Variants in SIPA1L1 observed in about 807,000 individuals in gnomAD.
SIPA1L1 encodes the protein signal-induced proliferation-associated 1-like protein 1.
A neutral mutation model predicts 162.7 loss-of-function variants in SIPA1L1; 26 were observed. The ratio of observed to expected loss-of-function variants is 0.16; its 90% CI spans 0.12 to 0.22. The LOEUF (loss-of-function observed/expected upper bound fraction) is 0.22. Ranked by LOEUF, SIPA1L1 falls within the 10% of genes least tolerant of loss-of-function variation. SIPA1L1 has a pLI of 1.00. For missense variants in SIPA1L1, 1,874 were observed against 2,241.0 expected, an observed-to-expected ratio of 0.84 and a Z score of 3.31; for synonymous variants, 829 against 837.4, an observed-to-expected ratio of 0.99 and a Z score of 0.17.
intron 2 of SIPA1L1, among the ~76,000 whole-genome samples, chr14:71,465,482 A>G (rs557790184): frequency 1.3e-5 from 2 of 152,320 alleles, no homozygotes; most frequent in African/African-American, 4.8e-5. Flanking sequence ...TTATGTAGTC[A>G]CCAAACTCCT....
At chr14:71,325,820 T>C (rs182900530) in intron 2 of SIPA1L1, among the ~76,000 whole-genome samples, 223 of 152,314 alleles carry the variant, frequency 1.5e-3, no homozygotes, top group Non-Finnish European at 2.6e-3. Flanking sequence ...TTGCACTAAG[T>C]TCTCCCTCTA....
chr14:71,474,065 C>G (rs1384521793), intron 2 of SIPA1L1, among the ~76,000 whole-genome samples: 1 of 152,186 alleles, frequency 6.6e-6, no homozygotes. Context: ...GCTACATTTA[C>G]TCATCAGACT....
chr14:71,481,413 A>AG (rs2048342553), intron 2 of SIPA1L1, among the ~76,000 whole-genome samples: 1 of 152,130 alleles, frequency 6.6e-6, no homozygotes, highest in African/African-American at 2.4e-5. Flanking sequence ...TGGGAGGCAG[A>AG]GGTTGCAGTG....
chr14:71,326,500 C>T (rs879877182), intron 2 of SIPA1L1, among the ~76,000 whole-genome samples: 3 of 152,036 alleles, frequency 2.0e-5, no homozygotes, highest in Non-Finnish European at 4.4e-5. Context: ...GGAGCCACCA[C>T]ACCTGGCCGA....
At chr14:71,476,602 T>C (rs567580961) in intron 2 of SIPA1L1, among the ~76,000 whole-genome samples, 22 of 152,242 alleles carry the variant, frequency 1.4e-4, no homozygotes, top group Admixed American at 1.2e-3. Context: ...TTATGTTTTT[T>C]TAAAACTTTT....
At chr14:71,506,121 C>T (rs1255130851) in intron 2 of SIPA1L1, among the ~76,000 whole-genome samples, 1 of 152,038 alleles carries the variant, frequency 6.6e-6, no homozygotes, top group African/African-American at 2.4e-5. Context: ...ATTATTGTCA[C>T]ATGAAAGAAC....
chr14:71,454,822 C>T (rs2046074006), intron 2 of SIPA1L1, among the ~76,000 whole-genome samples: 1 of 152,150 alleles, frequency 6.6e-6, no homozygotes, highest in Non-Finnish European at 1.5e-5. Context: ...TGAGATGGGC[C>T]CTATAAGCTC....
chr14:71,390,102 C>A (rs2040626294), intron 2 of SIPA1L1, among the ~76,000 whole-genome samples: 1 of 152,060 alleles, frequency 6.6e-6, no homozygotes, highest in Non-Finnish European at 1.5e-5. Context: ...ATGCTTATAC[C>A]ATTCAAATAA....
At chr14:71,737,080 A>T (rs1285167070) in intron 22 of SIPA1L1, among the ~76,000 whole-genome samples, 1 of 151,910 alleles carries the variant, frequency 6.6e-6, no homozygotes, top group Non-Finnish European at 1.5e-5. Flanking sequence ...TCTCAAACCC[A>T]TTCATTGTCA....
At chr14:71,578,636 G>A (rs2033469884) in intron 4 of SIPA1L1, among the ~76,000 whole-genome samples, 1 of 152,210 alleles carries the variant, frequency 6.6e-6, no homozygotes, top group South Asian at 2.1e-4. Context: ...CTAATGAAGA[G>A]AAAATGTTAT....
At chr14:71,552,439 C>G (rs974974207) in intron 4 of SIPA1L1, among the ~76,000 whole-genome samples, 106 of 151,356 alleles carry the variant, frequency 7.0e-4, no homozygotes, top group Non-Finnish European at 1.2e-3. Context: ...TAGCCCAGGC[C>G]GGATTGCAGT....
At chr14:71,490,098 A>G (rs2049118037) in intron 2 of SIPA1L1, among the ~76,000 whole-genome samples, 1 of 152,242 alleles carries the variant, frequency 6.6e-6, no homozygotes, top group African/African-American at 2.4e-5. Flanking sequence ...TAATAATCAG[A>G]GAAGTGAACA....
intron 8 of SIPA1L1, among the ~76,000 whole-genome samples, chr14:71,653,773 T>C (rs1221532068): frequency 6.6e-6 from 1 of 152,244 alleles, no homozygotes; most frequent in Non-Finnish European, 1.5e-5. Context: ...ACTTTTGATA[T>C]GTATGCCGTC....
chr14:71,347,576 G>A (rs1594930196), intron 2 of SIPA1L1, among the ~76,000 whole-genome samples: 1 of 152,230 alleles, frequency 6.6e-6, no homozygotes, highest in South Asian at 2.1e-4. Context: ...GGGCTTTTGA[G>A]GAACTGCCGG....
At chr14:71,529,262 G>A in intron 3 of SIPA1L1, 50 bp from the exon 4 acceptor site, 1 of 570,712 alleles carries the variant, frequency 1.8e-6, no homozygotes, top group South Asian at 2.4e-5. Context: ...TTGTATTTTA[G>A]TGAAATTTAT....
At position 71,673,172 on chromosome 14, in the gene SIPA1L1, A is replaced by C. The variant is rs145092761; in HGVS notation, c.3104+550A>C. On this transcript the variant is annotated intron_variant, in intron 12 of 23. Transcript: ENST00000381232. ...ATGGTGCTTTGGCATTTTGGTTCCT[A>C]GTCTTTTCCAGAAGGGAAAACCTAA... Among the ~76,000 whole-genome samples, 101 of 152,268 alleles carry C rather than the reference A, an allele frequency of 6.6e-4. 1 individual carries two copies. In the East Asian group the frequency reaches 0.018, roughly 27 times the overall value.
chr14:71,698,221 G>A (rs925305399), intron 13 of SIPA1L1, among the ~76,000 whole-genome samples: 16 of 152,330 alleles, frequency 1.1e-4, no homozygotes, highest in East Asian at 3.9e-4. Flanking sequence ...TGTGGTTGCC[G>A]TGTTGCCTAC....
rs566092970 is a variant in SIPA1L1 at position 71,541,516 on chromosome 14, C to T, written c.-303+12146C>T. ...AGCTCATGCCTATAATCCCCCAGCA[C>T]TTTGGGAGGCCAAGGTGAGAGGATT... On this transcript the variant is annotated intron_variant, in intron 4 of 23. Coordinates refer to ENST00000381232, the MANE Select transcript of SIPA1L1 (RefSeq NM_001386936.1). 5.3e-5 allele frequency among the ~76,000 whole-genome samples: 8 copies of T among 152,290 alleles called. No homozygotes were observed. The South Asian group carries it at 1.7e-3, about 32-fold the overall frequency.
chr14:71,588,277 A>G lies in SIPA1L1; in HGVS notation c.405A>G (p.Ile135Met), dbSNP rs1251935055. The G allele has an allele frequency of 6.2e-7, 1 of 1,614,132 alleles. No homozygotes were observed. Among genetic ancestry groups the G allele is most frequent in the Non-Finnish European group, 8.5e-7 (1 of 1,180,006 alleles). Residue 135 changes from isoleucine to methionine, a missense_variant, in exon 5 of 24, where the codon ATA becomes ATG. Ile to Met is a conservative substitution (Grantham distance 10). Around this residue, in one of 5 missense-constraint regions of SIPA1L1, gnomAD observed 685 missense variants for 828.0 expected, o/e 0.83. Coordinates refer to ENST00000381232, the MANE Select transcript of SIPA1L1 (RefSeq NM_001386936.1). This position sits in a 1 kb window ranked among gnomAD's most constrained non-coding sequence, Gnocchi z 4.3. Reference sequence around the variant, plus strand: ...ATGACTCAGCCATGCTGAAAAGCATACAGAACACGCTGAAAAACAAGACAA... The same window carrying G: ...ATGACTCAGCCATGCTGAAAAGCATGCAGAACACGCTGAAAAACAAGACAA... ...NSNDSAMLKS[I>M]QNTLKNKTRP... is the part of the protein sequence containing the mutation.
Sources: gnomAD v4.1 joint callset for allele counts (sites outside exome capture counted in the v4.1 genomes callset) on GRCh38, gnomAD v4.1.1 for gene constraint, gnomAD v4.1.1 regional missense constraint, Gnocchi (gnomAD v3.1) non-coding constraint, MANE v1.5 for transcripts, NCBI Gene and HGNC (gene_info 2026-07-23, HGNC 2026-07-21) for gene names.